Variants in AKAIN1 observed in about 807,000 individuals in gnomAD.
AKAIN1 encodes A-kinase anchor protein inhibitor 1.
A neutral mutation model predicts 3.7 loss-of-function variants in AKAIN1; 3 were observed. The ratio of observed to expected loss-of-function variants is 0.82; its 90% CI spans 0.37 to 2.12. AKAIN1 has a LOEUF of 2.12. Among genes scored for constraint, AKAIN1 ranks in the 30% most tolerant of loss-of-function variants. The pLI, the probability that AKAIN1 is intolerant of heterozygous loss-of-function variation, is 0.06. For synonymous variants in AKAIN1, 31 were observed against 30.8 expected, an observed-to-expected ratio of 1.01 and a Z score of -0.02; for missense variants, 82 against 82.7, an observed-to-expected ratio of 0.99 and a Z score of 0.03.
intron 1 of AKAIN1, among the ~76,000 whole-genome samples, chr18:5,184,109 G>A (rs547988008): frequency 6.6e-6 from 1 of 152,168 alleles, no homozygotes; most frequent in South Asian, 2.1e-4. Flanking sequence ...AACAAAGAGA[G>A]AGTGTTCAAC....
At chr18:5,172,458 TA>T (rs1416012975) in intron 1 of AKAIN1, among the ~76,000 whole-genome samples, 2 of 151,992 alleles carry the variant, frequency 1.3e-5, no homozygotes, top group Non-Finnish European at 2.9e-5. Flanking sequence ...ATTAAAAATT[TA>T]AAAAAAATTT....
intron 1 of AKAIN1, chr18:5,159,259 A>G (rs1402766655): frequency 2.6e-5 from 4 of 152,134 alleles, no homozygotes; most frequent in African/African-American, 4.8e-5. Context: ...TGTTAGAACT[A>G]TGTGACAGGA....
At chr18:5,192,669 C>T (rs533308173) in intron 1 of AKAIN1, among the ~76,000 whole-genome samples, 12 of 152,004 alleles carry the variant, frequency 7.9e-5, no homozygotes, top group South Asian at 2.1e-4. Context: ...ATTCTATCTA[C>T]GGTATGGGGT....
chr18:5,193,547 C>T (rs1245669488), intron 1 of AKAIN1, among the ~76,000 whole-genome samples: 2 of 152,196 alleles, frequency 1.3e-5, no homozygotes, highest in Non-Finnish European at 2.9e-5. Flanking sequence ...TGTTCAGAGT[C>T]TGGAATTCTT....
chr18:5,156,925 C>T (rs115181468), intron 1 of AKAIN1, among the ~76,000 whole-genome samples: 1,685 of 152,280 alleles, frequency 0.011, 36 homozygotes, highest in African/African-American at 0.038. Context: ...AGAAGCCTTC[C>T]TCCAGCTATC....
intron 1 of AKAIN1, among the ~76,000 whole-genome samples, chr18:5,191,458 T>C (rs1469913990): frequency 6.6e-6 from 1 of 152,168 alleles, no homozygotes; most frequent in Non-Finnish European, 1.5e-5. Flanking sequence ...AAGATCTGTA[T>C]GCTGAAAGCT....
At chr18:5,192,445 C>CTTTCTTTCTTTCTTTT (rs1555611456) in intron 1 of AKAIN1, among the ~76,000 whole-genome samples, 1 of 126,156 alleles carries the variant, frequency 7.9e-6, no homozygotes, top group Non-Finnish European at 1.7e-5. Context: ...TTCTTTCTTT[C>CTTTCTTTCTTTCTTTT]TTTTTCTTTT....
At chr18:5,189,970 A>G (rs2071310043) in intron 1 of AKAIN1, among the ~76,000 whole-genome samples, 1 of 152,196 alleles carries the variant, frequency 6.6e-6, no homozygotes, top group Non-Finnish European at 1.5e-5. Context: ...ATACCAAAAT[A>G]CAACAGACTT....
intron 1 of AKAIN1, among the ~76,000 whole-genome samples, chr18:5,154,590 C>T (rs1598305621): frequency 1.3e-5 from 2 of 152,182 alleles, no homozygotes; most frequent in African/African-American, 2.4e-5. Context: ...GACCAGACCC[C>T]TTCTTGGCCA....
chr18:5,149,608 A>G (rs773828155), intron 1 of AKAIN1, among the ~76,000 whole-genome samples: 5 of 152,172 alleles, frequency 3.3e-5, no homozygotes, highest in Admixed American at 6.5e-5. Flanking sequence ...CTCTGACTTT[A>G]TGCATTCACT....
chr18:5,193,309 T>C (rs1403630944), intron 1 of AKAIN1, among the ~76,000 whole-genome samples: 1 of 152,182 alleles, frequency 6.6e-6, no homozygotes, highest in Non-Finnish European at 1.5e-5. Context: ...AAAAGAAATA[T>C]TTTTATGTTG....
intron 1 of AKAIN1, among the ~76,000 whole-genome samples, chr18:5,149,085 A>G (rs906631700): frequency 1.3e-5 from 2 of 152,132 alleles, no homozygotes; most frequent in South Asian, 4.1e-4. Flanking sequence ...ACAATTTCAA[A>G]AGGTTTAGGC....
rs889521493 is a variant in AKAIN1, at chr18:5,178,750, A to G, written c.16+18288T>C. ...TCAACTTCCTGGAGAGCTTTTAAAA[A>G]ATCCTTATGCTTAGAACACTCCCCT... On this transcript the variant is annotated intron_variant, in intron 1 of 1. Coordinates refer to ENST00000434239, the MANE Select transcript of AKAIN1 (RefSeq NM_001145194.2). 2.0e-5 allele frequency among the ~76,000 whole-genome samples: 3 copies of G among 152,092 alleles called. No homozygotes were observed. The East Asian group carries it at 5.8e-4, about 29-fold the overall frequency.
chr18:5,155,339 G>A (rs1028202330), intron 1 of AKAIN1, among the ~76,000 whole-genome samples: 1 of 152,150 alleles, frequency 6.6e-6, no homozygotes, highest in African/African-American at 2.4e-5. Context: ...GTTGTATTTT[G>A]AAATCGGGAC....
intron 1 of AKAIN1, among the ~76,000 whole-genome samples, chr18:5,149,844 G>GT (rs1323568408): frequency 6.6e-6 from 1 of 151,978 alleles, no homozygotes; most frequent in Non-Finnish European, 1.5e-5. Flanking sequence ...TTTTATTTTT[G>GT]TTTTTGTTTT....
At chr18:5,186,033 A>T (rs1321509383) in intron 1 of AKAIN1, among the ~76,000 whole-genome samples, 1 of 152,154 alleles carries the variant, frequency 6.6e-6, no homozygotes, top group African/African-American at 2.4e-5. Context: ...TTGCAGCAAC[A>T]TGGATGCAGC....
chr18:5,158,486 C>T (rs1298221559), intron 1 of AKAIN1, among the ~76,000 whole-genome samples: 1 of 152,244 alleles, frequency 6.6e-6, no homozygotes, highest in Non-Finnish European at 1.5e-5. Context: ...CAGTTCATCT[C>T]TGCCATCTCC....
chr18:5,161,680 C>G (rs1406275385), intron 1 of AKAIN1, among the ~76,000 whole-genome samples: 1 of 152,076 alleles, frequency 6.6e-6, no homozygotes, highest in Non-Finnish European at 1.5e-5. Flanking sequence ...TCCCACTGGT[C>G]AGTGTAAGAA....
intron 1 of AKAIN1, among the ~76,000 whole-genome samples, chr18:5,185,573 G>T (rs1329059367): frequency 6.6e-6 from 1 of 152,102 alleles, no homozygotes; most frequent in Non-Finnish European, 1.5e-5. Flanking sequence ...AGACATACAT[G>T]TAGCCAATAA....
Sources: allele counts gnomAD v4.1 joint callset (sites outside exome capture counted in the v4.1 genomes callset), GRCh38; gene constraint gnomAD v4.1.1; transcripts MANE v1.5; gene names NCBI Gene and HGNC (gene_info 2026-07-23, HGNC 2026-07-21).